The following SPPL2A variants were observed in gnomAD, a reference collection of about 807,000 sequenced individuals.
The protein encoded by SPPL2A is signal peptide peptidase like 2A.
A neutral mutation model predicts 63.8 loss-of-function variants in SPPL2A; 51 were observed. The observed-to-expected ratio is 0.80, with a 90% CI of 0.64 to 1.01. The LOEUF (loss-of-function observed/expected upper bound fraction) is 1.01. Among genes scored for constraint, SPPL2A ranks in the 50% least tolerant of loss-of-function variants. The pLI is 0.00. For synonymous variants in SPPL2A, 188 were observed against 205.8 expected (o/e 0.91, Z 0.74); for missense variants, 553 against 622.7 (o/e 0.89, Z 1.19).
At position 50,706,665 on chromosome 15, in the gene SPPL2A, G is replaced by A. The variant is rs1221531225; in HGVS notation, c.*1135C>T. The A allele has an allele frequency of 1.3e-5, 2 of 151,950 alleles. No homozygotes were observed. The highest frequency in any genetic ancestry group is 2.4e-5 in the African/African-American group (1 of 41,376). The allele number at this position is 151,950 out of a possible 1,614,324, so 9.4% of individuals were successfully genotyped here. A position where few individuals can be genotyped will look rare whatever the true frequency, so the allele number is the denominator to read the frequency against. On this transcript the variant is annotated 3_prime_UTR_variant, in exon 15 of 15. Coordinates refer to ENST00000261854, the MANE Select transcript of SPPL2A (RefSeq NM_032802.4). ...TGTTAGGAATGCTGTATTCAACGATGAGCCATATGTATTAATACATAATTT... is the reference window on the plus strand; with the variant it reads ...TGTTAGGAATGCTGTATTCAACGATAAGCCATATGTATTAATACATAATTT...
chr15:50,745,241 C>G (rs2062849039), intron 5 of SPPL2A, among the ~76,000 whole-genome samples: 2 of 152,214 alleles, frequency 1.3e-5, no homozygotes, highest in South Asian at 4.1e-4. Flanking sequence ...ACCTCCACCT[C>G]CTGGGTTCAA....
intron 6 of SPPL2A, among the ~76,000 whole-genome samples, chr15:50,737,460 G>GT (rs918223397): frequency 2.6e-5 from 4 of 150,964 alleles, no homozygotes; most frequent in Middle Eastern, 3.4e-3. Flanking sequence ...AACAAAATGA[G>GT]TTTTTTTTTT....
chr15:50,763,634 C>T (rs2063031915), intron 1 of SPPL2A, among the ~76,000 whole-genome samples: 2 of 152,334 alleles, frequency 1.3e-5, no homozygotes, highest in South Asian at 2.1e-4. Context: ...CATGGTGGCT[C>T]ACGCCTGTAA....
At chr15:50,721,610 T>TAA (rs2062647374) in intron 13 of SPPL2A, among the ~76,000 whole-genome samples, 1 of 149,564 alleles carries the variant, frequency 6.7e-6, no homozygotes, top group Non-Finnish European at 1.5e-5. Context: ...AAAAATAATT[T>TAA]TTTTTTTTTT....
chr15:50,719,683 T>A (rs745929853), intron 14 of SPPL2A, among the ~76,000 whole-genome samples: 1 of 152,060 alleles, frequency 6.6e-6, no homozygotes, highest in African/African-American at 2.4e-5. Context: ...TGAAAATACA[T>A]GTTGAAATGC....
chr15:50,749,449 A>G (rs748929333), intron 2 of SPPL2A, among the ~76,000 whole-genome samples, 187 bp downstream of exon 2: 33 of 151,940 alleles, frequency 2.2e-4, no homozygotes, highest in Admixed American at 4.6e-4. Context: ...CACCACACCC[A>G]GCTAATTTTT....
intron 9 of SPPL2A, 32 bp downstream of exon 9, chr15:50,732,571 T>C (rs2062739414): frequency 2.3e-6 from 3 of 1,324,484 alleles, no homozygotes; most frequent in Non-Finnish European, 3.2e-6. Context: ...AAAAATTTAT[T>C]TTAACTAGCA....
At chr15:50,726,278 T>C (rs753765071) in intron 11 of SPPL2A, 43 bp downstream of exon 11, 4 of 1,589,162 alleles carry the variant, frequency 2.5e-6, no homozygotes, top group East Asian at 2.2e-5. Context: ...CGGATACACA[T>C]ACATACACTG....
chr15:50,718,299 A>C (rs571644173), intron 14 of SPPL2A, among the ~76,000 whole-genome samples: 2 of 152,254 alleles, frequency 1.3e-5, no homozygotes, highest in Non-Finnish European at 2.9e-5. Flanking sequence ...TCAAGAGGTC[A>C]TGAGAATAGG....
In SPPL2A at chr15:50,747,485, T is replaced by C. The variant is rs1302519281; in HGVS notation, c.584+10A>G. The C allele has an allele frequency of 6.3e-7, 1 of 1,591,146 alleles. No individual in the cohort carries two copies. Among genetic ancestry groups the C allele is most frequent in the African/African-American group, 1.4e-5 (1 of 73,574 alleles). On this transcript the variant is annotated intron_variant, in intron 5 of 14. Coordinates refer to ENST00000261854, the MANE Select transcript of SPPL2A (RefSeq NM_032802.4). Reference sequence around the variant, plus strand: ...TTTATTACAAAAACGCTTAAGTTAATTAAACTTACAATTCAACTAGTCCAC... The same window carrying C: ...TTTATTACAAAAACGCTTAAGTTAACTAAACTTACAATTCAACTAGTCCAC...
At chr15:50,745,062 T>G (rs553446655) in intron 5 of SPPL2A, among the ~76,000 whole-genome samples, 3 of 152,220 alleles carry the variant, frequency 2.0e-5, no homozygotes, top group African/African-American at 4.8e-5. Flanking sequence ...TATGAATTTA[T>G]GGCAAACAAT....
intron 14 of SPPL2A, among the ~76,000 whole-genome samples, chr15:50,712,652 C>T (rs2062567770): frequency 6.8e-6 from 1 of 147,138 alleles, no homozygotes; most frequent in African/African-American, 2.5e-5. Context: ...TCCTTCCTTT[C>T]CTCCCTTCCT....
At chr15:50,710,742 C>T (rs1192391169) in intron 14 of SPPL2A, among the ~76,000 whole-genome samples, 1 of 152,146 alleles carries the variant, frequency 6.6e-6, no homozygotes, top group East Asian at 1.9e-4. Context: ...CAGAGTTGTT[C>T]TAACTTATCT....
chr15:50,755,594 C>A (rs12442368), intron 1 of SPPL2A, among the ~76,000 whole-genome samples: 1 of 133,046 alleles, frequency 7.5e-6, no homozygotes, highest in Middle Eastern at 4.4e-3. Context: ...GCATTCCAGC[C>A]TAGGGCCTAG....
intron 1 of SPPL2A, among the ~76,000 whole-genome samples, chr15:50,756,841 A>C (rs1269786853): frequency 6.6e-6 from 1 of 152,198 alleles, no homozygotes; most frequent in Non-Finnish European, 1.5e-5. Flanking sequence ...CAGGACTAGA[A>C]CTGGGCTCTC....
At chr15:50,755,414 A>G (rs561684301) in intron 1 of SPPL2A, among the ~76,000 whole-genome samples, 1 of 152,174 alleles carries the variant, frequency 6.6e-6, no homozygotes, top group South Asian at 2.1e-4. Context: ...TGAGGCCAGG[A>G]GTTCTAGACC....
chr15:50,765,372 G>GGGGAGGCCGGGCGAGGAGTAGGGGAA (rs1349795431), intron 1 of SPPL2A, 96 bp downstream of exon 1: 35 of 931,288 alleles, frequency 3.8e-5, no homozygotes, highest in Non-Finnish European at 4.9e-5. Flanking sequence ...TGCGGGCAGA[G>GGGGAGGCCGGGCGAGGAGTAGGGGAA]GGGAGGCCGG....
At position 50,748,108 on chromosome 15, in the gene SPPL2A, T is replaced by C; in HGVS notation, c.450+5A>G. On this transcript the variant is annotated splice_donor_5th_base_variant and intron_variant, in intron 4 of 14. Transcript: ENST00000261854. Reference sequence around the variant, plus strand: ...ACTTTATCTAATATGTAATTGCTAATTTACCTGGTTCATATCTCTAAAGTC... The same window carrying C: ...ACTTTATCTAATATGTAATTGCTAACTTACCTGGTTCATATCTCTAAAGTC... 8 of 1,252,424 alleles carry C rather than the reference T, an allele frequency of 6.4e-6. No individual in the cohort carries two copies. Among genetic ancestry groups the C allele is most frequent in the Non-Finnish European group, 8.7e-6 (8 of 917,392 alleles). The allele number at this position is 1,252,424 out of a possible 1,614,324, so 77.6% of individuals were successfully genotyped here. A position where few individuals can be genotyped will look rare whatever the true frequency, so the allele number is the denominator to read the frequency against.
chr15:50,722,795 G>T (rs1010686787), intron 12 of SPPL2A, among the ~76,000 whole-genome samples: 1 of 152,100 alleles, frequency 6.6e-6, no homozygotes, highest in Non-Finnish European at 1.5e-5. Flanking sequence ...AAAATATATT[G>T]AACAGACAAA....
Sources: allele counts gnomAD v4.1 joint callset (sites outside exome capture counted in the v4.1 genomes callset), GRCh38; gene constraint gnomAD v4.1.1; transcripts MANE v1.5; gene names NCBI Gene and HGNC (gene_info 2026-07-23, HGNC 2026-07-21).